Variants in WLS observed in about 807,000 individuals in gnomAD.
WLS encodes protein wntless homolog.
A neutral mutation model predicts 62.8 loss-of-function variants in WLS; 23 were observed. The ratio of observed to expected loss-of-function variants is 0.37; its 90% CI spans 0.26 to 0.52. WLS has a LOEUF of 0.52. Ranked by LOEUF, WLS falls within the 20% of genes least tolerant of loss-of-function variation. The probability of loss-of-function intolerance (pLI) is 0.92; values close to 1 mark genes in which losing one functional copy is unlikely to be tolerated. For missense variants in WLS, 615 were observed against 697.3 expected (o/e 0.88, Z 1.33); for synonymous variants, 246 against 244.1 (o/e 1.01, Z -0.07).
At chr1:68,208,845 T>C (rs1415153419) in intron 1 of WLS, among the ~76,000 whole-genome samples, 1 of 152,212 alleles carries the variant, frequency 6.6e-6, no homozygotes, top group Admixed American at 6.5e-5. Context: ...AGTGTGGGTC[T>C]AGAATGCATA....
chr1:68,228,680 T>C (rs1650268147), intron 1 of WLS, among the ~76,000 whole-genome samples: 1 of 151,784 alleles, frequency 6.6e-6, no homozygotes, highest in Admixed American at 6.6e-5. Context: ...TTTAGAATAG[T>C]AGATGTATCA....
At chr1:68,100,514 G>A (rs1646063136) in intron 11 of WLS, among the ~76,000 whole-genome samples, 1 of 152,178 alleles carries the variant, frequency 6.6e-6, no homozygotes, top group African/African-American at 2.4e-5. Flanking sequence ...TTTAAATATA[G>A]TAAATCTTCA....
At chr1:68,182,995 G>T (rs1012678951) in intron 2 of WLS, among the ~76,000 whole-genome samples, 1 of 152,148 alleles carries the variant, frequency 6.6e-6, no homozygotes, top group Non-Finnish European at 1.5e-5. Flanking sequence ...CCACCTCCCA[G>T]GTTCAAGTGA....
chr1:68,199,058 A>C (rs1489193876), intron 1 of WLS, among the ~76,000 whole-genome samples: 1 of 105,836 alleles, frequency 9.4e-6, no homozygotes, highest in African/African-American at 3.7e-5. Flanking sequence ...CCTGTAATTT[A>C]AGAGTTAGAG....
At chr1:68,181,495 C>A (rs552860306) in intron 2 of WLS, among the ~76,000 whole-genome samples, 2 of 152,180 alleles carry the variant, frequency 1.3e-5, no homozygotes, top group Non-Finnish European at 2.9e-5. Flanking sequence ...TTCTAGACTG[C>A]ACTTCATTCC....
intron 1 of WLS, among the ~76,000 whole-genome samples, chr1:68,229,841 A>T (rs572995467): frequency 6.6e-6 from 1 of 152,202 alleles, no homozygotes; most frequent in Non-Finnish European, 1.5e-5. Context: ...GTAAACTTAT[A>T]CAGTTTCCTC....
intron 2 of WLS, among the ~76,000 whole-genome samples, chr1:68,159,926 A>C (rs1487094999): frequency 6.6e-6 from 1 of 152,206 alleles, no homozygotes; most frequent in Non-Finnish European, 1.5e-5. Flanking sequence ...ATGAATGTTC[A>C]CACATACTTC....
At chr1:68,150,119 G>T (rs1186350235) in intron 6 of WLS, 69 bp downstream of exon 6, 1 of 1,522,560 alleles carries the variant, frequency 6.6e-7, no homozygotes, top group East Asian at 2.3e-5. Context: ...GCAAAGGGGG[G>T]CAGGTGTCAG....
intron 1 of WLS, among the ~76,000 whole-genome samples, chr1:68,220,403 G>A (rs1180380112): frequency 6.6e-6 from 1 of 152,184 alleles, no homozygotes; most frequent in Non-Finnish European, 1.5e-5. Context: ...ACACCTATGT[G>A]CAGGCTCCCA....
At chr1:68,229,591 C>T (rs922816221) in intron 1 of WLS, among the ~76,000 whole-genome samples, 2 of 152,140 alleles carry the variant, frequency 1.3e-5, no homozygotes, top group Non-Finnish European at 1.5e-5. Flanking sequence ...CACTTTGTTG[C>T]TATTCTTTCC....
chr1:68,133,054 GCAA>G (rs1646552457), intron 11 of WLS, among the ~76,000 whole-genome samples: 1 of 53,250 alleles, frequency 1.9e-5, no homozygotes, highest in Non-Finnish European at 4.4e-5. Context: ...GGCAGCAGCA[GCAA>G]CAGCAACAGC....
intron 11 of WLS, among the ~76,000 whole-genome samples, chr1:68,118,903 G>T (rs1028223287): frequency 4.7e-5 from 2 of 42,442 alleles, no homozygotes; most frequent in African/African-American, 7.4e-5. Context: ...AAAAAAAAAA[G>T]CACCTGGCCC....
chr1:68,100,313 G>A (rs1646060662), intron 11 of WLS, among the ~76,000 whole-genome samples: 1 of 152,146 alleles, frequency 6.6e-6, no homozygotes, highest in African/African-American at 2.4e-5. Context: ...GTGGAGGGGT[G>A]CAGAGAAGCA....
chr1:68,225,121 T>C (rs1650089766), intron 1 of WLS, among the ~76,000 whole-genome samples: 1 of 150,568 alleles, frequency 6.6e-6, no homozygotes, highest in African/African-American at 2.4e-5. Context: ...CCCCCAGTCT[T>C]CCAATATGAT....
chr1:68,183,137 C>A (rs1335094643), intron 2 of WLS, among the ~76,000 whole-genome samples: 2 of 152,150 alleles, frequency 1.3e-5, no homozygotes, highest in Admixed American at 6.5e-5. Context: ...GGTGATCCAC[C>A]CACCTCAGCC....
intron 2 of WLS, among the ~76,000 whole-genome samples, chr1:68,193,400 A>AAAAAAAAAC: frequency 3.1e-5 from 1 of 31,770 alleles, no homozygotes; most frequent in Admixed American, 3.3e-4. Flanking sequence ...AAATAAGCTA[A>AAAAAAAAAC]AAAAAAAAAA....
intron 2 of WLS, chr1:68,162,101 G>C: frequency 6.4e-7 from 1 of 1,563,724 alleles, no homozygotes; most frequent in Non-Finnish European, 8.8e-7. Flanking sequence ...CTCATCTCCA[G>C]TGACGCCTGC....
At chr1:68,129,097 G>A (rs1017656965) in intron 11 of WLS, among the ~76,000 whole-genome samples, 4 of 152,200 alleles carry the variant, frequency 2.6e-5, no homozygotes, top group Admixed American at 2.6e-4. Context: ...GGCTGACGGC[G>A]GCGGATCACT....
chr1:68,132,547 T>A (rs1240933943), intron 11 of WLS, among the ~76,000 whole-genome samples: 1 of 151,962 alleles, frequency 6.6e-6, no homozygotes, highest in Admixed American at 6.6e-5. Flanking sequence ...CCTCCAGGAG[T>A]AAAACTGACA....
Sources: gnomAD v4.1 joint callset for allele counts (sites outside exome capture counted in the v4.1 genomes callset) on GRCh38, gnomAD v4.1.1 for gene constraint, MANE v1.5 for transcripts, NCBI Gene and HGNC (gene_info 2026-07-23, HGNC 2026-07-21) for gene names.